Variants in TNKS observed in about 807,000 individuals in gnomAD.
The protein encoded by TNKS is tankyrase.
In TNKS, 72 loss-of-function variants were observed where a neutral mutation model predicts 135.8. The observed-to-expected ratio is 0.53, with a 90% CI of 0.44 to 0.64. The LOEUF (loss-of-function observed/expected upper bound fraction) is 0.64, where lower values mean the gene tolerates loss of function less well. TNKS is among the 30% of genes least tolerant of loss of function. The probability of loss-of-function intolerance (pLI) is 0.00; values close to 1 mark genes in which losing one functional copy is unlikely to be tolerated. For synonymous variants in TNKS, 849 were observed against 649.3 expected, an observed-to-expected ratio of 1.31 and a Z score of -4.68; for missense variants, 1,769 against 1,674.0, an observed-to-expected ratio of 1.06 and a Z score of -0.99.
intron 1 of TNKS, among the ~76,000 whole-genome samples, chr8:9,577,416 A>G (rs1026757795): frequency 7.2e-5 from 11 of 152,132 alleles, no homozygotes; most frequent in Admixed American, 6.5e-4. Flanking sequence ...TAAAGAAAAG[A>G]GATTTAACTG....
intron 13 of TNKS, among the ~76,000 whole-genome samples, chr8:9,729,053 C>G (rs1023644739): frequency 6.6e-6 from 1 of 152,144 alleles, no homozygotes; most frequent in African/African-American, 2.4e-5. Flanking sequence ...CTGGTGGGGA[C>G]CCCGTCTCTC....
At chr8:9,613,755 A>G (rs4629869) in intron 2 of TNKS, among the ~76,000 whole-genome samples, 17,474 of 152,232 alleles carry the variant, frequency 0.11, 1,203 homozygotes, top group African/African-American at 0.19. Flanking sequence ...GCACATTTCT[A>G]TTGCAAAATG....
intron 2 of TNKS, among the ~76,000 whole-genome samples, chr8:9,596,911 G>A (rs1250346137): frequency 6.6e-6 from 1 of 152,190 alleles, no homozygotes; most frequent in African/African-American, 2.4e-5. Flanking sequence ...ACTGTCATAG[G>A]TATTTTTCAA....
intron 2 of TNKS, among the ~76,000 whole-genome samples, chr8:9,591,104 G>T (rs2128754633): frequency 1.3e-5 from 2 of 152,354 alleles, no homozygotes; most frequent in South Asian, 4.1e-4. Flanking sequence ...CCAACGTCAT[G>T]CCTTTGCATG....
At chr8:9,750,694 T>C (rs1223809508) in intron 18 of TNKS, among the ~76,000 whole-genome samples, 1 of 152,114 alleles carries the variant, frequency 6.6e-6, no homozygotes. Context: ...TGCATTTCAT[T>C]TCTCTATTGC....
intron 5 of TNKS, among the ~76,000 whole-genome samples, chr8:9,695,120 A>G (rs1803450102): frequency 6.6e-6 from 1 of 152,214 alleles, no homozygotes; most frequent in East Asian, 1.9e-4. Flanking sequence ...AGACATACTG[A>G]TAGTTGTCAT....
chr8:9,611,174 A>C (rs924539314), intron 2 of TNKS, among the ~76,000 whole-genome samples: 2 of 152,306 alleles, frequency 1.3e-5, no homozygotes, highest in Non-Finnish European at 2.9e-5. Flanking sequence ...CCTCGAAAGG[A>C]GATGAATAGA....
Position 9,575,233 on chromosome 8 carries a change from C to T in TNKS, c.674-4926C>T, listed in dbSNP as rs575238343. On this transcript the variant is annotated intron_variant, in intron 1 of 26. Coordinates refer to ENST00000310430, the MANE Select transcript of TNKS (RefSeq NM_003747.3). ...TCCGGAGTAGCTGGGACTACAGGCG[C>T]CCGCCACCACGCAGGGCTAATTTTT... The T allele has an allele frequency of 1.9e-5, 9 of 477,852 alleles. No homozygotes were observed. The South Asian group carries it at 8.0e-4, about 43-fold the overall frequency. The allele number at this position is 477,852 out of a possible 1,614,324, so 29.6% of individuals were successfully genotyped here.
rs1209085359 is a variant in TNKS, at chr8:9,575,029, G to A, written c.674-5130G>A. ...CCTAATACCGTTGATAAACTGCTAT[G>A]TGTGCCTGGATTGCCTTTGTCTTGA... On this transcript the variant is annotated intron_variant, in intron 1 of 26. Transcript: ENST00000310430. The A allele has an allele frequency of 6.1e-6, 6 of 985,140 alleles. No individual in the cohort carries two copies. In the African/African-American group the frequency reaches 1.0e-4, roughly 17 times the overall value. The allele number at this position is 985,140 out of a possible 1,614,324, so 61.0% of individuals were successfully genotyped here. A position where few individuals can be genotyped will look rare whatever the true frequency, so the allele number is the denominator to read the frequency against.
chr8:9,706,003 A>C (rs1804022983), intron 6 of TNKS, among the ~76,000 whole-genome samples, 184 bp from the exon 7 acceptor site: 1 of 152,204 alleles, frequency 6.6e-6, no homozygotes. Context: ...TATATACAAA[A>C]AACAAGATAA....
At chr8:9,597,452 T>C (rs546148548) in intron 2 of TNKS, among the ~76,000 whole-genome samples, 1 of 152,340 alleles carries the variant, frequency 6.6e-6, no homozygotes, top group South Asian at 2.1e-4. Context: ...TGTTACATTC[T>C]TTGTTTAGTA....
At chr8:9,752,772 A>G in intron 20 of TNKS, 146 bp downstream of exon 20, 1 of 514,994 alleles carries the variant, frequency 1.9e-6, no homozygotes, top group East Asian at 3.4e-5. Context: ...CTGGGCAACA[A>G]AGCGAGACCC....
At chr8:9,721,962 A>T (rs1804906981) in intron 12 of TNKS, among the ~76,000 whole-genome samples, 1 of 151,930 alleles carries the variant, frequency 6.6e-6, no homozygotes, top group African/African-American at 2.4e-5. Flanking sequence ...CTGAGGCAGG[A>T]GAATCACTGG....
intron 3 of TNKS, among the ~76,000 whole-genome samples, chr8:9,669,171 C>T (rs1368750090): frequency 7.2e-5 from 11 of 151,952 alleles, no homozygotes; most frequent in Admixed American, 2.0e-4. Context: ...GTAATCCCAG[C>T]ACTTTGGGAG....
chr8:9,763,118 T>C, intron 21 of TNKS, 29 bp from the exon 22 acceptor site: 1 of 1,366,722 alleles, frequency 7.3e-7, no homozygotes, highest in East Asian at 2.3e-5. Context: ...TAGACTTTTG[T>C]TTTATATGTT....
chr8:9,598,763 GTGTATATATATATATATATA>G (rs1407502941), intron 2 of TNKS, among the ~76,000 whole-genome samples: 1,121 of 58,762 alleles, frequency 0.019, 51 homozygotes, highest in African/African-American at 0.061. Context: ...ATATGTGTGT[GTGTATATATATATATATATA>G]TATATATATA....
chr8:9,734,768 C>A, intron 15 of TNKS, 97 bp from the exon 16 acceptor site: 1 of 1,062,628 alleles, frequency 9.4e-7, no homozygotes, highest in Non-Finnish European at 1.4e-6. Context: ...GATATCTTCC[C>A]CAGAGGAACA....
intron 18 of TNKS, among the ~76,000 whole-genome samples, chr8:9,751,055 C>A (rs766596807): frequency 3.6e-5 from 5 of 139,074 alleles, no homozygotes; most frequent in African/African-American, 5.5e-5. Flanking sequence ...GGGCAAACCA[C>A]ATTCGGCGGG....
intron 2 of TNKS, among the ~76,000 whole-genome samples, chr8:9,599,464 C>T (rs1798928994): frequency 6.6e-6 from 1 of 152,142 alleles, no homozygotes; most frequent in Admixed American, 6.6e-5. Context: ...TGCCCAAGGT[C>T]AGACAGTTAC....
Sources: allele counts gnomAD v4.1 joint callset (sites outside exome capture counted in the v4.1 genomes callset), GRCh38; gene constraint gnomAD v4.1.1; transcripts MANE v1.5; gene names NCBI Gene and HGNC (gene_info 2026-07-23, HGNC 2026-07-21).